NCKAP5: variants seen among roughly 807,000 people sequenced by gnomAD.
The protein encoded by NCKAP5 is NCK associated protein 5.
A neutral mutation model predicts 167.0 loss-of-function variants in NCKAP5; 92 were observed. The ratio of observed to expected loss-of-function variants is 0.55; its 90% CI spans 0.47 to 0.66. The LOEUF (loss-of-function observed/expected upper bound fraction) is 0.66. Among genes scored for constraint, NCKAP5 ranks in the 30% least tolerant of loss-of-function variants. The pLI is 0.00. For missense variants in NCKAP5, 2,378 were observed against 2,315.0 expected (o/e 1.03, Z -0.56); for synonymous variants, 891 against 877.4 (o/e 1.02, Z -0.27).
chr2:132,955,527 T>TG (rs1162485524), intron 8 of NCKAP5, among the ~76,000 whole-genome samples: 6 of 152,224 alleles, frequency 3.9e-5, no homozygotes, highest in African/African-American at 1.4e-4. Flanking sequence ...ATGGTGTATA[T>TG]GTGCCACATT....
chr2:133,391,921 C>CA (rs1470257422), intron 3 of NCKAP5, among the ~76,000 whole-genome samples: 2 of 152,178 alleles, frequency 1.3e-5, no homozygotes, highest in African/African-American at 4.8e-5. Flanking sequence ...ATTGGGAGAC[C>CA]AAGATTGCTA....
chr2:133,244,561 C>T (rs1308637864), intron 4 of NCKAP5, among the ~76,000 whole-genome samples: 1 of 151,758 alleles, frequency 6.6e-6, no homozygotes, highest in African/African-American at 2.4e-5. Flanking sequence ...TTAAGAAATG[C>T]CATAAAGATA....
intron 4 of NCKAP5, among the ~76,000 whole-genome samples, chr2:133,286,804 C>CA (rs1679175194): frequency 2.2e-5 from 3 of 138,570 alleles, no homozygotes; most frequent in Non-Finnish European, 3.3e-5. Flanking sequence ...GTAAAGACTG[C>CA]GAAAAAAAAC....
intron 3 of NCKAP5, among the ~76,000 whole-genome samples, chr2:133,450,629 T>G (rs1691493906): frequency 6.6e-6 from 1 of 152,210 alleles, no homozygotes; most frequent in Non-Finnish European, 1.5e-5. Flanking sequence ...GGGTGAAACA[T>G]TTTCAATTTA....
At chr2:133,559,233 G>A (rs760400281) in intron 1 of NCKAP5, 116 bp from the exon 2 acceptor site, 10 of 152,120 alleles carry the variant, frequency 6.6e-5, no homozygotes, top group Admixed American at 1.3e-4. Flanking sequence ...TAATAATAAC[G>A]TCTATCTCAG....
intron 6 of NCKAP5, among the ~76,000 whole-genome samples, chr2:133,056,560 CA>C (rs1324960070): frequency 2.0e-5 from 3 of 152,146 alleles, no homozygotes; most frequent in African/African-American, 7.2e-5. Context: ...GCCAATTACA[CA>C]TGAAATGCTA....
chr2:133,115,713 G>T (rs1264293000), intron 6 of NCKAP5, among the ~76,000 whole-genome samples: 2 of 141,466 alleles, frequency 1.4e-5, no homozygotes, highest in Non-Finnish European at 3.1e-5. Context: ...CATGTGTGTG[G>T]ACATACACAC....
the NCKAP5 span, among the ~76,000 whole-genome samples, chr2:133,627,453 T>C: frequency 1.8e-4 from 27 of 152,274 alleles, no homozygotes; most frequent in East Asian, 4.4e-3. Context: ...ATATTTTGTG[T>C]AGGGTAAGTT....
the NCKAP5 span, among the ~76,000 whole-genome samples, chr2:133,592,010 A>G: frequency 6.6e-6 from 1 of 152,082 alleles, no homozygotes; most frequent in South Asian, 2.1e-4. Flanking sequence ...TCAATCACTT[A>G]CACACAAATG....
At chr2:133,282,697 G>A (rs974136664) in intron 4 of NCKAP5, among the ~76,000 whole-genome samples, 2 of 152,128 alleles carry the variant, frequency 1.3e-5, no homozygotes, top group African/African-American at 4.8e-5. Context: ...CTAATCTGTG[G>A]TTTAGAAGGC....
At chr2:133,313,095 C>A (rs1171819656) in intron 3 of NCKAP5, among the ~76,000 whole-genome samples, 1 of 152,136 alleles carries the variant, frequency 6.6e-6, no homozygotes, top group Admixed American at 6.5e-5. Context: ...AAAGAATGCC[C>A]TTCCCACAGC....
At chr2:133,649,587 C>A in the NCKAP5 span, among the ~76,000 whole-genome samples, 29 of 151,882 alleles carry the variant, frequency 1.9e-4, no homozygotes, top group Admixed American at 8.5e-4. Context: ...GTTCCACATA[C>A]GAAAATCAAT....
At chr2:133,110,805 G>A (rs2081882897) in intron 6 of NCKAP5, among the ~76,000 whole-genome samples, 1 of 152,060 alleles carries the variant, frequency 6.6e-6, no homozygotes, top group South Asian at 2.1e-4. Flanking sequence ...ACCACAGACT[G>A]GGGGGCTTCA....
the NCKAP5 span, among the ~76,000 whole-genome samples, chr2:133,582,555 G>A: frequency 1.3e-5 from 2 of 152,220 alleles, no homozygotes; most frequent in Admixed American, 6.5e-5. Flanking sequence ...ACACATGCAC[G>A]GTAGTAATCA....
chr2:133,631,166 C>T, the NCKAP5 span, among the ~76,000 whole-genome samples: 39 of 152,126 alleles, frequency 2.6e-4, no homozygotes, highest in Admixed American at 1.6e-3. Context: ...TAGAAACATA[C>T]GTAAAGTATG....
chr2:133,428,917 T>C (rs914858705), intron 3 of NCKAP5, among the ~76,000 whole-genome samples: 6 of 152,184 alleles, frequency 3.9e-5, no homozygotes, highest in Non-Finnish European at 7.4e-5. Context: ...GAATACACTG[T>C]TGGAGAAAGA....
At chr2:133,484,010 A>T (rs1680690349) in intron 3 of NCKAP5, among the ~76,000 whole-genome samples, 1 of 152,194 alleles carries the variant, frequency 6.6e-6, no homozygotes, top group Non-Finnish European at 1.5e-5. Flanking sequence ...ATGTTTTGGA[A>T]GTGAAGCCTG....
chr2:133,490,098 C>T (rs1175204771), intron 3 of NCKAP5, among the ~76,000 whole-genome samples: 1 of 152,186 alleles, frequency 6.6e-6, no homozygotes, highest in African/African-American at 2.4e-5. Flanking sequence ...CAACCCTTGG[C>T]ATCTTTTCAT....
At chr2:133,512,839 C>T (rs1002824380) in intron 3 of NCKAP5, among the ~76,000 whole-genome samples, 6 of 152,160 alleles carry the variant, frequency 3.9e-5, no homozygotes, top group African/African-American at 1.4e-4. Flanking sequence ...CTTCAAACTA[C>T]AGCTCCCCCA....
Sources: allele counts gnomAD v4.1 joint callset (sites outside exome capture counted in the v4.1 genomes callset), GRCh38; gene constraint gnomAD v4.1.1; transcripts MANE v1.5; gene names NCBI Gene and HGNC (gene_info 2026-07-23, HGNC 2026-07-21).